The following KPNA5 variants were observed in gnomAD, a reference collection of about 807,000 sequenced individuals.
KPNA5 encodes the protein karyopherin subunit alpha 5.
KPNA5 carries 46 observed loss-of-function variants against 71.3 expected under a neutral mutation model. The observed-to-expected ratio is 0.65, with a 90% CI of 0.51 to 0.83. The LOEUF (loss-of-function observed/expected upper bound fraction) is 0.83. Among genes scored for constraint, KPNA5 ranks in the 40% least tolerant of loss-of-function variants. The pLI is 0.00. For missense variants in KPNA5, 547 were observed against 628.3 expected (o/e 0.87, Z 1.38); for synonymous variants, 207 against 201.4 (o/e 1.03, Z -0.24).
chr6:116,690,229 G>A (rs1376150043), intron 2 of KPNA5, among the ~76,000 whole-genome samples: 2 of 152,038 alleles, frequency 1.3e-5, no homozygotes, highest in African/African-American at 4.8e-5. Flanking sequence ...AATAGGCAAG[G>A]CCTATTTCAG....
At chr6:116,724,274 G>A (rs770836657) in intron 9 of KPNA5, 23 bp from the exon 10 acceptor site, 3 of 1,522,418 alleles carry the variant, frequency 2.0e-6, no homozygotes, top group Non-Finnish European at 2.7e-6. Context: ...TAGTATTTAG[G>A]TTCATGTTTT....
At chr6:116,706,813 A>C (rs1411485630) in intron 7 of KPNA5, among the ~76,000 whole-genome samples, 2 of 152,126 alleles carry the variant, frequency 1.3e-5, no homozygotes, top group African/African-American at 4.8e-5. Flanking sequence ...ATTAAAAGGA[A>C]GTTAAGTTAG....
Position 116,739,199 on chromosome 6 carries a change from A to G in KPNA5, c.*6876A>G, listed in dbSNP as rs1471628816. On this transcript the variant is annotated 3_prime_UTR_variant, in exon 14 of 14. Transcript: ENST00000368564. The stretch of plus-strand genomic sequence containing the variant: ...GTACAAAAATCACAAGAATTCTTAT[A>G]CACCAATAACAGACAAACAGCCAAA... 1.3e-5 allele frequency: 2 copies of G among 152,240 alleles called. No homozygotes were observed. The highest frequency in any genetic ancestry group is 2.9e-5 in the Non-Finnish European group (2 of 68,058). 9.4% of individuals were successfully genotyped at this position (152,240 alleles called of 1,614,324 possible).
rs1278592527 is a variant in KPNA5, at chr6:116,730,982, C to T, written c.1433-1154C>T. On this transcript the variant is annotated intron_variant, in intron 13 of 13. Transcript: ENST00000368564. Reference sequence around the variant, plus strand: ...CATTCTTTTATTTTAATAAAACATACCATGTTCATTTATGTTTAAATAACT... The same window carrying T: ...CATTCTTTTATTTTAATAAAACATATCATGTTCATTTATGTTTAAATAACT... Among the ~76,000 whole-genome samples the T allele has an allele frequency of 2.0e-5, 3 of 151,376 alleles. No individual in the cohort carries two copies. The East Asian group carries it at 5.8e-4, about 29-fold the overall frequency.
intron 7 of KPNA5, among the ~76,000 whole-genome samples, chr6:116,710,999 A>G (rs1283111949): frequency 1.1e-4 from 16 of 148,086 alleles, no homozygotes; most frequent in Admixed American, 9.5e-4. Flanking sequence ...GGTTCAAGCG[A>G]TTCTTTCACC....
chr6:116,688,703 A>G (rs2114364509), intron 1 of KPNA5, among the ~76,000 whole-genome samples: 1 of 152,288 alleles, frequency 6.6e-6, no homozygotes, highest in Non-Finnish European at 1.5e-5. Context: ...AAAATAAAGT[A>G]TACATGTATT....
intron 7 of KPNA5, among the ~76,000 whole-genome samples, chr6:116,710,411 C>A (rs1160300877): frequency 1.3e-5 from 2 of 151,996 alleles, no homozygotes; most frequent in East Asian, 3.8e-4. Flanking sequence ...AATTTTGCGG[C>A]TACATAGTAG....
At chr6:116,690,080 C>G (rs1395635175) in intron 2 of KPNA5, among the ~76,000 whole-genome samples, 1 of 151,768 alleles carries the variant, frequency 6.6e-6, no homozygotes, top group Admixed American at 6.6e-5. Flanking sequence ...AAGGCCTATT[C>G]TCTTCTATTG....
intron 9 of KPNA5, among the ~76,000 whole-genome samples, 196 bp from the exon 10 acceptor site, chr6:116,724,101 C>G (rs1339990255): frequency 6.6e-6 from 1 of 152,088 alleles, no homozygotes; most frequent in African/African-American, 2.4e-5. Context: ...AGAAATCATT[C>G]TGGAGAGACA....
At chr6:116,721,793 C>A (rs1779114925) in intron 8 of KPNA5, among the ~76,000 whole-genome samples, 1 of 152,050 alleles carries the variant, frequency 6.6e-6, no homozygotes, top group African/African-American at 2.4e-5. Flanking sequence ...ATTCTGTGAT[C>A]ATCATATCAA....
chr6:116,726,699 G>A (rs921918720), intron 12 of KPNA5, 77 bp downstream of exon 12: 2 of 1,185,816 alleles, frequency 1.7e-6, no homozygotes, highest in Non-Finnish European at 1.2e-6. Context: ...TTAATTTACT[G>A]ATGGAACTAA....
Position 116,729,711 on chromosome 6 carries a change from C to T in KPNA5, c.1402C>T (p.Pro468Ser). The T allele has an allele frequency of 6.3e-7, 1 of 1,587,630 alleles. No homozygotes were observed. The highest frequency in any genetic ancestry group is 8.6e-7 in the Non-Finnish European group (1 of 1,166,966). Reference sequence around the variant, plus strand: ...TAAGCAGAATGGAATAGGCATTAATCCATACTGTGCTCTCATTGAAGAAGC... The same window carrying T: ...TAAGCAGAATGGAATAGGCATTAATTCATACTGTGCTCTCATTGAAGAAGC... The part of the protein sequence containing the change: ...ESKQNGIGIN[P>S]YCALIEEAYG... Residue 468 changes from proline to serine, a missense_variant, in exon 13 of 14, where the codon CCA becomes TCA. Coordinates refer to ENST00000368564, the MANE Select transcript of KPNA5 (RefSeq NM_001366306.2).
intron 13 of KPNA5, among the ~76,000 whole-genome samples, chr6:116,730,251 T>A (rs945329316): frequency 1.3e-5 from 2 of 151,846 alleles, no homozygotes; most frequent in Non-Finnish European, 1.5e-5. Flanking sequence ...CATGCCCGGC[T>A]GATTTTTGTA....
At chr6:116,714,474 G>C (rs1778812730) in intron 7 of KPNA5, among the ~76,000 whole-genome samples, 2 of 152,166 alleles carry the variant, frequency 1.3e-5, no homozygotes, top group African/African-American at 4.8e-5. Context: ...TTTACTCCCT[G>C]CTTGTGCTAA....
chr6:116,705,955 C>T (rs1041364012), intron 7 of KPNA5, among the ~76,000 whole-genome samples: 2 of 152,140 alleles, frequency 1.3e-5, no homozygotes, highest in Non-Finnish European at 2.9e-5. Flanking sequence ...TTTCACTTAA[C>T]CAATATTAAT....
intron 7 of KPNA5, among the ~76,000 whole-genome samples, chr6:116,715,349 C>A (rs956044778): frequency 3.9e-5 from 6 of 152,012 alleles, no homozygotes; most frequent in Admixed American, 3.3e-4. Context: ...TCAATTACTA[C>A]TATTTTAGGG....
chr6:116,690,603 A>G (rs1777760108), intron 2 of KPNA5, among the ~76,000 whole-genome samples: 1 of 150,900 alleles, frequency 6.6e-6, no homozygotes, highest in Non-Finnish European at 1.5e-5. Context: ...AGTTGATGCC[A>G]CTGCACTCCA....
Position 116,702,117 on chromosome 6 carries a change from T to C in KPNA5, c.534T>C (p.Leu178=). 6.2e-7 allele frequency: 1 copy of C among 1,614,008 alleles called. No homozygotes were observed. Among genetic ancestry groups the C allele is most frequent in the Non-Finnish European group, 8.5e-7 (1 of 1,179,948 alleles). The change falls in exon 6 of 14, where the codon CTT becomes CTC. Residue 178 remains leucine (L), a synonymous_variant. Coordinates refer to ENST00000368564, the MANE Select transcript of KPNA5 (RefSeq NM_001366306.2). ...ETGAVPIFIK[L]LNSEHEDVQE... ...GGGCTGTTCCGATTTTTATCAAACT[T>C]CTTAATTCTGAACATGAAGATGTTC...
At position 116,736,297 on chromosome 6, in the gene KPNA5, T is replaced by A. The variant is rs1472319065; in HGVS notation, c.*3974T>A. 2 of 151,968 alleles carry A rather than the reference T, an allele frequency of 1.3e-5. No individual in the cohort carries two copies. Among genetic ancestry groups the A allele is most frequent in the East Asian group, 1.9e-4 (1 of 5,200 alleles). 9.4% of individuals were successfully genotyped at this position (151,968 alleles called of 1,614,324 possible). ...TGAAAGAAACCAGATTCCATTTATA[T>A]GAAGTGTTCGGAATAGACAAATCTA... On this transcript the variant is annotated 3_prime_UTR_variant, in exon 14 of 14. Transcript: ENST00000368564.
Sources: allele counts gnomAD v4.1 joint callset (sites outside exome capture counted in the v4.1 genomes callset), GRCh38; gene constraint gnomAD v4.1.1; transcripts MANE v1.5; gene names NCBI Gene and HGNC (gene_info 2026-07-23, HGNC 2026-07-21).